Variants in MTA1 observed in about 807,000 individuals in gnomAD.
MTA1 encodes the protein metastasis-associated protein MTA1.
Under a neutral mutation model 97.0 loss-of-function variants are expected in MTA1, and 15 were observed. That is an observed-to-expected ratio of 0.15 (90% confidence interval 0.10 to 0.24). The LOEUF (loss-of-function observed/expected upper bound fraction) is 0.24. MTA1 is among the 10% of genes least tolerant of loss of function. The probability of loss-of-function intolerance (pLI) is 1.00; values close to 1 mark genes in which losing one functional copy is unlikely to be tolerated. For synonymous variants in MTA1, 435 were observed against 417.5 expected (o/e 1.04, Z -0.51); for missense variants, 709 against 1,015.1 (o/e 0.70, Z 4.10).
intron 15 of MTA1, 22 bp from the exon 16 acceptor site, chr14:105,465,072 C>T (rs1276416133): frequency 6.7e-7 from 1 of 1,493,250 alleles, no homozygotes; most frequent in Admixed American, 2.2e-5. Context: ...CCCCACCCCT[C>T]ACACCGTGTG....
At chr14:105,467,144 T>TGTGGGCC in intron 18 of MTA1, 1 of 372,532 alleles carries the variant, frequency 2.7e-6, no homozygotes, top group Non-Finnish European at 5.1e-6. Flanking sequence ...GGGGTGTCTG[T>TGTGGGCC]GTGGGCCGTG....
chr14:105,422,346 T>G lies in MTA1; in HGVS notation c.28+2283T>G, dbSNP rs2081869688. Among the ~76,000 whole-genome samples the G allele has an allele frequency of 6.6e-6, 1 of 152,070 alleles. No homozygotes were observed. The highest frequency in any genetic ancestry group is 2.4e-5 in the African/African-American group (1 of 41,414). ...TCGCTCGGGGAGGTGGGCGTCTGGA[T>G]TCTTGAGCCCCCAGACAAGAAAGAG... is the stretch of plus-strand genomic sequence containing the variant. On this transcript the variant is annotated intron_variant, in intron 1 of 20. Coordinates refer to ENST00000331320, the MANE Select transcript of MTA1 (RefSeq NM_004689.4). The surrounding 1 kb of genome is among the most constrained non-coding windows in gnomAD (Gnocchi z 4.3).
intron 3 of MTA1, among the ~76,000 whole-genome samples, chr14:105,448,003 A>G (rs996203335): frequency 2.0e-5 from 3 of 152,240 alleles, no homozygotes; most frequent in Non-Finnish European, 4.4e-5. Flanking sequence ...TGCAGGCCTC[A>G]GGGTGGAGGG....
At chr14:105,464,915 G>A in intron 15 of MTA1, 52 bp downstream of exon 15, 1 of 1,508,334 alleles carries the variant, frequency 6.6e-7, no homozygotes. Context: ...GGTGGGGAGA[G>A]AGCAGCAACC....
intron 4 of MTA1, 46 bp downstream of exon 4, chr14:105,449,455 C>G (rs782397870): frequency 6.3e-7 from 1 of 1,598,164 alleles, no homozygotes; most frequent in South Asian, 1.1e-5. Context: ...GTCTGTGTCC[C>G]TGGGCTGGGG....
At chr14:105,449,281 C>A in intron 3 of MTA1, 78 bp from the exon 4 acceptor site, 1 of 1,456,946 alleles carries the variant, frequency 6.9e-7, no homozygotes. Flanking sequence ...GCACAGCCCT[C>A]GGTCCGGGCC....
In MTA1 at chr14:105,420,102, C is replaced by G; in HGVS notation, c.28+39C>G. Reference sequence around the variant, plus strand: ...GCCTTTATGCCCGGCCCCGACCCGCCCGCAGCCCCCACCCGCCGCCGCTGC... The same window carrying G: ...GCCTTTATGCCCGGCCCCGACCCGCGCGCAGCCCCCACCCGCCGCCGCTGC... On this transcript the variant is annotated intron_variant, in intron 1 of 20. Transcript: ENST00000331320. The surrounding 1 kb of genome is among the most constrained non-coding windows in gnomAD (Gnocchi z 5.3). 1.0e-6 allele frequency: 1 copy of G among 998,438 alleles called. No individual in the cohort carries two copies. Among genetic ancestry groups the G allele is most frequent in the East Asian group, 9.4e-5 (1 of 10,590 alleles). The allele number at this position is 998,438 out of a possible 1,614,324, so 61.8% of individuals were successfully genotyped here.
At position 105,450,189 on chromosome 14, in the gene MTA1, C is replaced by G. The variant is rs782458204; in HGVS notation, c.368+5C>G. ...TCTGCCCGCCACGCACATCAGGTAG[C>G]CCCCAGCAGCTCCCGCCCTGGGCCC... On this transcript the variant is annotated splice_donor_5th_base_variant and intron_variant, in intron 5 of 20. Coordinates refer to ENST00000331320, the MANE Select transcript of MTA1 (RefSeq NM_004689.4). 2 of 1,612,760 alleles carry G rather than the reference C, an allele frequency of 1.2e-6. No individual in the cohort carries two copies. The highest frequency in any genetic ancestry group is 1.1e-5 in the South Asian group (1 of 91,076).
rs2081950929 is a variant in MTA1, at chr14:105,424,498, G to T, written c.28+4435G>T. Reference sequence around the variant, plus strand: ...TTACAGGCGTGAGCCACTGCGTCTGGCTTTTTTTTTTGTTTTTGAGACAGT... The same window carrying T: ...TTACAGGCGTGAGCCACTGCGTCTGTCTTTTTTTTTTGTTTTTGAGACAGT... On this transcript the variant is annotated intron_variant, in intron 1 of 20. Transcript: ENST00000331320. The surrounding 1 kb of genome is among the most constrained non-coding windows in gnomAD (Gnocchi z 4.0). Among the ~76,000 whole-genome samples the T allele has an allele frequency of 6.7e-6, 1 of 148,944 alleles. No homozygotes were observed. Among genetic ancestry groups the T allele is most frequent in the African/African-American group, 2.5e-5 (1 of 39,606 alleles).
At chr14:105,453,604 G>A (rs1367467381) in intron 6 of MTA1, among the ~76,000 whole-genome samples, 2 of 152,220 alleles carry the variant, frequency 1.3e-5, no homozygotes, top group Non-Finnish European at 2.9e-5. Flanking sequence ...GAGCTCAGGA[G>A]TTTGAGAACA....
chr14:105,438,238 G>A (rs950922971), intron 1 of MTA1, among the ~76,000 whole-genome samples: 1 of 152,150 alleles, frequency 6.6e-6, no homozygotes, highest in African/African-American at 2.4e-5. Flanking sequence ...GGCTCTGGGG[G>A]TGTAGCATCC....
At chr14:105,460,198 G>A (rs1258886822) in intron 8 of MTA1, among the ~76,000 whole-genome samples, 160 bp from the exon 9 acceptor site, 2 of 139,806 alleles carry the variant, frequency 1.4e-5, no homozygotes, top group Admixed American at 7.1e-5. Flanking sequence ...GGGGAAGTCC[G>A]TGCTGCCCAT....
In MTA1 at chr14:105,469,902, G is replaced by A. The variant is rs782656814; in HGVS notation, c.1907G>A (p.Arg636Gln). ...TACCCCACCAAAGTGCGCCTGATCC[G>A]GGGGGGCTCCCTGCCCCCAGTCAAG... The part of the protein sequence containing the change: ...KSYPTKVRLI[R>Q]GGSLPPVKRR... Residue 636 changes from arginine (R) to glutamine (Q), a missense_variant, in exon 20 of 21, where the codon CGG becomes CAG. Arg to Gln is a conservative substitution (Grantham distance 43). This residue lies in a region of MTA1 where 388 missense variants were observed against 421.6 expected (regional missense o/e 0.92). Transcript: ENST00000331320. 5.0e-6 allele frequency: 8 copies of A among 1,610,916 alleles called. No homozygotes were observed. The highest frequency in any genetic ancestry group is 1.7e-5 in the Admixed American group (1 of 59,764).
chr14:105,444,555 C>T (rs587629303), intron 2 of MTA1, among the ~76,000 whole-genome samples: 5 of 152,186 alleles, frequency 3.3e-5, no homozygotes, highest in African/African-American at 9.6e-5. Flanking sequence ...CTTTGTGGGG[C>T]TGAGGCAGGC....
chr14:105,438,624 T>C, intron 1 of MTA1, 48 bp from the exon 2 acceptor site: 1 of 1,576,290 alleles, frequency 6.3e-7, no homozygotes. Flanking sequence ...TGGGACTGGG[T>C]CTGGCCTTTG....
chr14:105,432,435 T>G (rs1237889089), intron 1 of MTA1, among the ~76,000 whole-genome samples: 1 of 152,040 alleles, frequency 6.6e-6, no homozygotes, highest in African/African-American at 2.4e-5. Flanking sequence ...GAGATGAGGT[T>G]TCACCATGTT....
chr14:105,463,338 G>A lies in MTA1; in HGVS notation c.1017+80G>A. ...CCATCCTCTCCCAGCAGGTGGGCGTGCACTGCTGCAGCAGGAGGGGAAGGA... is the reference window on the plus strand; with the variant it reads ...CCATCCTCTCCCAGCAGGTGGGCGTACACTGCTGCAGCAGGAGGGGAAGGA... On this transcript the variant is annotated intron_variant, in intron 11 of 20. Transcript: ENST00000331320. The surrounding 1 kb of genome is among the most constrained non-coding windows in gnomAD (Gnocchi z 5.9). The A allele has an allele frequency of 6.5e-7, 1 of 1,537,414 alleles. No homozygotes were observed. Among genetic ancestry groups the A allele is most frequent in the Non-Finnish European group, 9.0e-7 (1 of 1,113,998 alleles).
At position 105,444,789 on chromosome 14, in the gene MTA1, TTAA is replaced by T. The variant is rs781963510; in HGVS notation, c.97-628_97-626del. Among the ~76,000 whole-genome samples the T allele has an allele frequency of 8.5e-4, 123 of 145,204 alleles. 2 individuals are homozygous for T. In the East Asian group the frequency reaches 0.012, roughly 14 times the overall value. On this transcript the variant is annotated intron_variant, in intron 2 of 20. Transcript: ENST00000331320. ...CTGGGCGACAGAGTGAGACCCCATC[TTAA>T]AAAAAAAAAAAAAAAGAGTTATAAA...
intron 13 of MTA1, 115 bp from the exon 14 acceptor site, chr14:105,464,301 G>A: frequency 7.8e-7 from 1 of 1,281,320 alleles, no homozygotes; most frequent in Non-Finnish European, 1.1e-6. Context: ...GAGCCTCGGG[G>A]AACGTGTGGG....
Sources: gnomAD v4.1 joint callset for allele counts (sites outside exome capture counted in the v4.1 genomes callset) on GRCh38, gnomAD v4.1.1 for gene constraint, gnomAD v4.1.1 regional missense constraint, Gnocchi (gnomAD v3.1) non-coding constraint, MANE v1.5 for transcripts, NCBI Gene and HGNC (gene_info 2026-07-23, HGNC 2026-07-21) for gene names.